Variants in ZNF777 observed in about 807,000 individuals in gnomAD.
ZNF777 encodes zinc finger protein 777.
Under a neutral mutation model 72.1 loss-of-function variants are expected in ZNF777, and 7 were observed. The ratio of observed to expected loss-of-function variants is 0.10; its 90% confidence interval spans 0.06 to 0.18. The LOEUF is 0.18. ZNF777 is among the 10% of genes least tolerant of loss of function. ZNF777 has a pLI of 1.00. For missense variants in ZNF777, 828 were observed against 1,128.6 expected, an observed-to-expected ratio of 0.73 and a Z score of 3.82; for synonymous variants, 545 against 483.5, an observed-to-expected ratio of 1.13 and a Z score of -1.67.
rs1233194631 is a variant in ZNF777, at chr7:149,433,335, C to G, written c.1340-403G>C. On this transcript the variant is annotated intron_variant, in intron 5 of 5. Coordinates refer to ENST00000247930, the MANE Select transcript of ZNF777 (RefSeq NM_015694.3). The stretch of plus-strand genomic sequence containing the variant: ...CACCTGGATCCAGCCATGCCTGATG[C>G]TGGAATACTCACGATTCTCTAATTA... Among the ~76,000 whole-genome samples, 5 of 152,196 alleles carry G rather than the reference C, an allele frequency of 3.3e-5. 1 individual carries two copies. The highest frequency in any genetic ancestry group is 1.2e-4 in the African/African-American group (5 of 41,456).
At position 149,460,536 on chromosome 7, in the gene ZNF777, C is replaced by G. The variant is rs968214098; in HGVS notation, c.-16+279G>C. 2.6e-5 allele frequency among the ~76,000 whole-genome samples: 4 copies of G among 151,536 alleles called. No individual in the cohort carries two copies. The highest frequency in any genetic ancestry group is 9.7e-5 in the African/African-American group (4 of 41,366). On this transcript the variant is annotated intron_variant, in intron 1 of 5. Coordinates refer to ENST00000247930, the MANE Select transcript of ZNF777 (RefSeq NM_015694.3). The surrounding 1 kb of genome is among the most constrained non-coding windows in gnomAD (Gnocchi z 6.1). ...CCGGCTGCGAGCTGCGCTGCCGTCC[C>G]GGCGCCTCTTTAGCAGGGGAGCTGC...
In ZNF777 at chr7:149,431,556, G is replaced by C. The variant is rs1446390497; in HGVS notation, c.*220C>G. 2.2e-6 allele frequency: 1 copy of C among 462,644 alleles called. No homozygotes were observed. Among genetic ancestry groups the C allele is most frequent in the Non-Finnish European group, 4.2e-6 (1 of 238,554 alleles). 28.7% of individuals were successfully genotyped at this position (462,644 alleles called of 1,614,324 possible). On this transcript the variant is annotated 3_prime_UTR_variant, in exon 6 of 6. Transcript: ENST00000247930. Reference sequence around the variant, plus strand: ...TTAACAGCCCGAAAGGGTTCCCCAGGTCCGCGCCCTCCCCCCTGGGGCCCC... The same window carrying C: ...TTAACAGCCCGAAAGGGTTCCCCAGCTCCGCGCCCTCCCCCCTGGGGCCCC...
chr7:149,458,147 T>C (rs1039829409), intron 1 of ZNF777, among the ~76,000 whole-genome samples: 1 of 152,218 alleles, frequency 6.6e-6, no homozygotes, highest in African/African-American at 2.4e-5. Flanking sequence ...AGGGACCTCT[T>C]TGAAAACCTA....
chr7:149,457,706 T>A (rs1425995309), intron 1 of ZNF777, among the ~76,000 whole-genome samples: 1 of 152,230 alleles, frequency 6.6e-6, no homozygotes, highest in Non-Finnish European at 1.5e-5. Context: ...TAATAGCCTC[T>A]GCCGCGAACC....
chr7:149,460,325 C>T lies in ZNF777; in HGVS notation c.-16+490G>A, dbSNP rs1799925149. On this transcript the variant is annotated intron_variant, in intron 1 of 5. Transcript: ENST00000247930. The surrounding 1 kb of genome is among the most constrained non-coding windows in gnomAD (Gnocchi z 6.1). ...GTCGGGCCCCGGCCTGCTCGGGGCG[C>T]GCGGGGCGAGCGGGCGCGGGGTCGC... is the stretch of plus-strand genomic sequence containing the variant. 6.9e-6 allele frequency among the ~76,000 whole-genome samples: 1 copy of T among 145,952 alleles called. No homozygotes were observed. Among genetic ancestry groups the T allele is most frequent in the East Asian group, 2.0e-4 (1 of 4,960 alleles).
At chr7:149,448,292 G>C (rs953559343) in intron 4 of ZNF777, among the ~76,000 whole-genome samples, 2 of 151,172 alleles carry the variant, frequency 1.3e-5, no homozygotes, top group African/African-American at 4.9e-5. Context: ...ATGGTGAAAC[G>C]TCATCTCTAC....
At chr7:149,451,858 C>A (rs1304195741) in intron 3 of ZNF777, among the ~76,000 whole-genome samples, 1 of 152,058 alleles carries the variant, frequency 6.6e-6, no homozygotes, top group Non-Finnish European at 1.5e-5. Flanking sequence ...TGACATATGG[C>A]AAAGGGTTAA....
At position 149,454,185 on chromosome 7, in the gene ZNF777, C is replaced by A. The variant is rs765772585; in HGVS notation, c.899G>T (p.Gly300Val). 6.2e-7 allele frequency: 1 copy of A among 1,614,236 alleles called. No homozygotes were observed. The highest frequency in any genetic ancestry group is 1.7e-5 in the Admixed American group (1 of 60,032). ...VAVHFSEQEW[G>V]NLSEWQKELY... Reference sequence around the variant, plus strand: ...CTCCTTCTGCCACTCAGACAGGTTTCCCCACTCCTGCTCCGAGAAGTGCAC... The same window carrying A: ...CTCCTTCTGCCACTCAGACAGGTTTACCCACTCCTGCTCCGAGAAGTGCAC... Residue 300 changes from glycine (G) to valine (V), a missense_variant, in exon 3 of 6, where the codon GGA (glycine) becomes GTA (valine). By Grantham distance (109) the Gly-to-Val change is moderately radical. Coordinates refer to ENST00000247930, the MANE Select transcript of ZNF777 (RefSeq NM_015694.3).
Position 149,455,483 on chromosome 7 carries a change from C to A in ZNF777, c.540G>T (p.Thr180=). 6.2e-7 allele frequency: 1 copy of A among 1,614,064 alleles called. No homozygotes were observed. Among genetic ancestry groups the A allele is most frequent in the Non-Finnish European group, 8.5e-7 (1 of 1,179,974 alleles). Residue 180 remains threonine, a synonymous_variant, in exon 2 of 6, where the codon ACG becomes ACT. Coordinates refer to ENST00000247930, the MANE Select transcript of ZNF777 (RefSeq NM_015694.3). The surrounding 1 kb of genome is among the most constrained non-coding windows in gnomAD (Gnocchi z 4.2). ...SAVQKEQPLP[T]AEITRLAVWA... is the part of the protein sequence containing the mutation. ...ACACAGCCAAGCGGGTGATCTCTGC[C>A]GTGGGGAGCGGCTGTTCCTTCTGGA...
intron 1 of ZNF777, among the ~76,000 whole-genome samples, chr7:149,458,310 C>CT (rs374818438): frequency 2.6e-4 from 40 of 152,286 alleles, no homozygotes; most frequent in African/African-American, 9.4e-4. Flanking sequence ...GAAGGAAGCG[C>CT]TGGGGGCCCT....
chr7:149,456,505 A>T (rs182954150), intron 1 of ZNF777, among the ~76,000 whole-genome samples: 3 of 152,352 alleles, frequency 2.0e-5, no homozygotes, highest in Admixed American at 1.3e-4. Flanking sequence ...AGCACTGAAC[A>T]TAAAACTTTG....
Position 149,460,141 on chromosome 7 carries a change from G to T in ZNF777, c.-16+674C>A. 2 of 979,226 alleles carry T rather than the reference G, an allele frequency of 2.0e-6. No individual in the cohort carries two copies. The highest frequency in any genetic ancestry group is 2.4e-6 in the Non-Finnish European group (2 of 826,632). The allele number at this position is 979,226 out of a possible 1,614,324, so 60.7% of individuals were successfully genotyped here. ...CCCTCACAGGAGCCGGGGCCGCCTC[G>T]GCCATGGCCCTGCGCTGTCCGGCCC... is the stretch of plus-strand genomic sequence containing the variant. On this transcript the variant is annotated intron_variant, in intron 1 of 5. Transcript: ENST00000247930. The surrounding 1 kb of genome is among the most constrained non-coding windows in gnomAD (Gnocchi z 6.1).
chr7:149,446,619 T>A (rs1434174875), intron 4 of ZNF777, among the ~76,000 whole-genome samples: 1 of 152,176 alleles, frequency 6.6e-6, no homozygotes, highest in Non-Finnish European at 1.5e-5. Flanking sequence ...CATTTCCCAC[T>A]TCTACATCCT....
chr7:149,437,983 G>A (rs974161089), intron 4 of ZNF777, among the ~76,000 whole-genome samples: 4 of 151,676 alleles, frequency 2.6e-5, no homozygotes, highest in East Asian at 3.9e-4. Flanking sequence ...AACTTCAAGC[G>A]ATTCTCCTGC....
At position 149,445,352 on chromosome 7, in the gene ZNF777, C is replaced by T. The variant is rs190043976; in HGVS notation, c.1087+5647G>A. On this transcript the variant is annotated intron_variant, in intron 4 of 5. Transcript: ENST00000247930. The stretch of plus-strand genomic sequence containing the variant: ...TGATTTCTTTACTTGTCTCTGTACA[C>T]CACAGAGTTTTCCCAAATGTCTTCT... Among the ~76,000 whole-genome samples the T allele has an allele frequency of 1.8e-4, 27 of 152,274 alleles. 1 individual carries two copies. Among genetic ancestry groups the T allele is most frequent in the Admixed American group, 7.2e-4 (11 of 15,294 alleles).
rs1390534286 is a variant in ZNF777 at position 149,432,717 on chromosome 7, A to G, written c.1555T>C (p.Ser519Pro). 1 of 1,611,934 alleles carries G rather than the reference A, an allele frequency of 6.2e-7. No individual in the cohort carries two copies. Among genetic ancestry groups the G allele is most frequent in the African/African-American group, 1.3e-5 (1 of 74,946 alleles). The change falls in exon 6 of 6, where the codon TCC (serine) becomes CCC (proline). Residue 519 changes from serine to proline, a missense_variant. By Grantham distance (74) the Ser-to-Pro change is moderately conservative (BLOSUM62 -1). This residue lies in a region of ZNF777 where 219 missense variants were observed against 223.0 expected (regional missense o/e 0.98). Coordinates refer to ENST00000247930, the MANE Select transcript of ZNF777 (RefSeq NM_015694.3). ...CTCAGGTGCCGCTCACCGTGCACGG[A>G]GGGCGCCAGCCTTTTCACTGCGGGG... ...GNPAVKRLAP[S>P]VHGERHLSEN...
At position 149,460,396 on chromosome 7, in the gene ZNF777, C is replaced by A. The variant is rs1201387454; in HGVS notation, c.-16+419G>T. Among the ~76,000 whole-genome samples, 1 of 145,712 alleles carries A rather than the reference C, an allele frequency of 6.9e-6. No individual in the cohort carries two copies. The highest frequency in any genetic ancestry group is 2.5e-5 in the African/African-American group (1 of 40,686). ...GGAGCTGGGCGCGCGGCTGTGCGGG[C>A]GGCCCGGCCGGCTGCGTCCCGGCGG... is the stretch of plus-strand genomic sequence containing the variant. On this transcript the variant is annotated intron_variant, in intron 1 of 5. Transcript: ENST00000247930. The surrounding 1 kb of genome is among the most constrained non-coding windows in gnomAD (Gnocchi z 6.1).
intron 3 of ZNF777, among the ~76,000 whole-genome samples, chr7:149,453,558 G>C (rs924925792): frequency 1.3e-5 from 2 of 152,136 alleles, no homozygotes; most frequent in African/African-American, 4.8e-5. Context: ...TTCGGGGTAA[G>C]GCAGATCTCC....
chr7:149,451,077 T>C lies in ZNF777; in HGVS notation c.1009A>G (p.Met337Val). 6.2e-7 allele frequency: 1 copy of C among 1,614,034 alleles called. No homozygotes were observed. Among genetic ancestry groups the C allele is most frequent in the Non-Finnish European group, 8.5e-7 (1 of 1,180,030 alleles). Residue 337 changes from methionine to valine, a missense_variant, in exon 4 of 6, where the codon ATG becomes GTG. This residue lies in a region of ZNF777 where 73 missense variants were observed against 90.6 expected (regional missense o/e 0.81). Coordinates refer to ENST00000247930, the MANE Select transcript of ZNF777 (RefSeq NM_015694.3). The part of the protein sequence containing the change: ...AISKPDLMSQ[M>V]ERGERPTMQE... ...ATGGTGGGCCGCTCCCCGCGCTCCATCTGTGACATGAGGTCTGGTTTGGAA... is the reference window on the plus strand; with the variant it reads ...ATGGTGGGCCGCTCCCCGCGCTCCACCTGTGACATGAGGTCTGGTTTGGAA...
Sources: gnomAD v4.1 joint callset for allele counts (sites outside exome capture counted in the v4.1 genomes callset) on GRCh38, gnomAD v4.1.1 for gene constraint, gnomAD v4.1.1 regional missense constraint, Gnocchi (gnomAD v3.1) non-coding constraint, MANE v1.5 for transcripts, NCBI Gene and HGNC (gene_info 2026-07-23, HGNC 2026-07-21) for gene names.